The following INSYN1 variants were observed in gnomAD, a reference collection of about 807,000 sequenced individuals.
INSYN1 encodes the protein UPF0583 protein C15orf59.
In INSYN1, 7 loss-of-function variants were observed where a neutral mutation model predicts 17.1. The observed-to-expected ratio is 0.41, with a 90% CI of 0.23 to 0.77. The LOEUF is 0.77. INSYN1 is among the 30% of genes least tolerant of loss of function. The probability of loss-of-function intolerance (pLI) is 0.32; values close to 1 mark genes in which losing one functional copy is unlikely to be tolerated. For synonymous variants in INSYN1, 174 were observed against 166.3 expected, an observed-to-expected ratio of 1.05 and a Z score of -0.36; for missense variants, 339 against 400.6, an observed-to-expected ratio of 0.85 and a Z score of 1.31.
intron 2 of INSYN1, among the ~76,000 whole-genome samples, chr15:73,747,239 G>C (rs1901859808): frequency 6.6e-6 from 1 of 152,096 alleles, no homozygotes; most frequent in African/African-American, 2.4e-5. Flanking sequence ...CTGTTCAAAG[G>C]CCACCTTATT....
rs1204276493 is a variant in INSYN1 at position 73,753,208 on chromosome 15, G to A, written c.-1666C>T. 6.9e-6 allele frequency among the ~76,000 whole-genome samples: 1 copy of A among 144,910 alleles called. No homozygotes were observed. The highest frequency in any genetic ancestry group is 1.5e-5 in the Non-Finnish European group (1 of 65,302). ...CCTGGGCCCGCTCCCCAAGCGCCGC[G>A]GCGCCGCGCCGCCCGCGCCCCGGCC... is the stretch of plus-strand genomic sequence containing the variant. On this transcript the variant is annotated 5_prime_UTR_variant, in exon 1 of 3. Transcript: ENST00000569673. The surrounding 1 kb of genome is among the most constrained non-coding windows in gnomAD (Gnocchi z 4.2).
intron 2 of INSYN1, among the ~76,000 whole-genome samples, chr15:73,748,445 G>A (rs528216634): frequency 3.9e-4 from 59 of 152,192 alleles, no homozygotes; most frequent in Non-Finnish European, 7.3e-4. Context: ...TGCTTGGCCT[G>A]AGACAAGAAC....
At chr15:73,747,378 C>A (rs1901863489) in intron 2 of INSYN1, among the ~76,000 whole-genome samples, 1 of 152,158 alleles carries the variant, frequency 6.6e-6, no homozygotes. Context: ...GTCCTGACCT[C>A]CCTGGTCATG....
chr15:73,748,530 C>G (rs1014936515), intron 2 of INSYN1, among the ~76,000 whole-genome samples: 4 of 152,150 alleles, frequency 2.6e-5, no homozygotes, highest in Non-Finnish European at 4.4e-5. Flanking sequence ...GCCTCTCAAC[C>G]TTGAGCCTAC....
chr15:73,753,274 C>T lies in INSYN1; in HGVS notation c.-1732G>A, dbSNP rs1902046022. ...CGCCGCCCCCCGCCGGACTGGCCGC[C>T]CGGGCGGGCGCTGGCTCCCTTAAAG... On this transcript the variant is annotated 5_prime_UTR_variant, in exon 1 of 3. Transcript: ENST00000569673. The surrounding 1 kb of genome is among the most constrained non-coding windows in gnomAD (Gnocchi z 4.2). Among the ~76,000 whole-genome samples, 1 of 148,468 alleles carries T rather than the reference C, an allele frequency of 6.7e-6. No homozygotes were observed. Among genetic ancestry groups the T allele is most frequent in the Admixed American group, 6.7e-5 (1 of 14,940 alleles).
intron 2 of INSYN1, 37 bp from the exon 3 acceptor site, chr15:73,740,679 G>T: frequency 6.5e-7 from 1 of 1,541,298 alleles, no homozygotes; most frequent in South Asian, 1.2e-5. Context: ...AGAGGGGCCA[G>T]GTGGGTCCCT....
At chr15:73,748,955 G>A (rs919774202) in intron 2 of INSYN1, among the ~76,000 whole-genome samples, 5 of 152,216 alleles carry the variant, frequency 3.3e-5, no homozygotes, top group African/African-American at 9.6e-5. Context: ...AAAGTCTTGG[G>A]TGGAGGCACA....
At chr15:73,747,816 T>C (rs1391970022) in intron 2 of INSYN1, among the ~76,000 whole-genome samples, 1 of 152,134 alleles carries the variant, frequency 6.6e-6, no homozygotes, top group Non-Finnish European at 1.5e-5. Context: ...CCTGGAGTAC[T>C]GGGGAGCCTG....
In INSYN1 at chr15:73,751,341, A is replaced by G. The variant is rs1901979222; in HGVS notation, c.-211T>C. 2 of 586,728 alleles carry G rather than the reference A, an allele frequency of 3.4e-6. No individual in the cohort carries two copies. Among genetic ancestry groups the G allele is most frequent in the Non-Finnish European group, 6.0e-6 (2 of 330,724 alleles). 36.3% of individuals were successfully genotyped at this position (586,728 alleles called of 1,614,324 possible). The stretch of plus-strand genomic sequence containing the variant: ...TGGAGAGTGGGACACCCAGAGGGAG[A>G]CAGAGTCTAGCAGAGGGGGTCAAGG... On this transcript the variant is annotated 5_prime_UTR_variant, in exon 2 of 3. Coordinates refer to ENST00000569673, the MANE Select transcript of INSYN1 (RefSeq NM_001039614.3).
rs182997124 is a variant in INSYN1 at position 73,735,862 on chromosome 15, G to A, written c.*4055C>T. 6.6e-6 allele frequency: 1 copy of A among 152,336 alleles called. No homozygotes were observed. The highest frequency in any genetic ancestry group is 1.9e-4 in the East Asian group (1 of 5,188). 9.4% of individuals were successfully genotyped at this position (152,336 alleles called of 1,614,324 possible). On this transcript the variant is annotated 3_prime_UTR_variant, in exon 3 of 3. Transcript: ENST00000569673. Reference sequence around the variant, plus strand: ...TTGCTTATCTCATACGTGCTGTGAGGAGTAAATGAGATAAGACATACACTT... The same window carrying A: ...TTGCTTATCTCATACGTGCTGTGAGAAGTAAATGAGATAAGACATACACTT...
At chr15:73,741,741 C>T (rs549853528) in intron 2 of INSYN1, among the ~76,000 whole-genome samples, 31 of 152,364 alleles carry the variant, frequency 2.0e-4, no homozygotes, top group Non-Finnish European at 3.5e-4. Flanking sequence ...CAGAATCCAG[C>T]CCCCAGCACC....
Position 73,740,092 on chromosome 15 carries a change from G to A in INSYN1, c.707C>T (p.Ala236Val), listed in dbSNP as rs775517885. ...AHAGPHKPSPAPYKSRRSPLT... is the reference protein window; with the variant it reads ...AHAGPHKPSPVPYKSRRSPLT... ...TGGAGAGCGCCGTGACTTGTAGGGG[G>A]CTGGGGAGGGCTTGTGGGGGCCTGC... The change falls in exon 3 of 3, where the codon GCC becomes GTC. Residue 236 changes from alanine (A) to valine (V), a missense_variant. Ala to Val is a moderately conservative substitution (Grantham distance 64). Transcript: ENST00000569673. 1.9e-6 allele frequency: 3 copies of A among 1,613,700 alleles called. No homozygotes were observed. In the East Asian group the frequency reaches 6.7e-5, roughly 36 times the overall value.
chr15:73,741,420 G>C (rs917235270), intron 2 of INSYN1, among the ~76,000 whole-genome samples: 5 of 152,208 alleles, frequency 3.3e-5, no homozygotes, highest in African/African-American at 7.2e-5. Flanking sequence ...ATGCACTCAG[G>C]GGGCAGCTCA....
rs1407580588 is a variant in INSYN1 at position 73,740,172 on chromosome 15, C to T, written c.627G>A (p.Glu209=). ...GCAAGCCCACTTCTTCCTCCTCCAC[C>T]TCCTGCTCACCGTCCCCCTCCTCAT... The part of the protein sequence containing the change: ...CDDEEGDGEQ[E]VEEEEVGLPP... Residue 209 remains glutamate, a synonymous_variant, in exon 3 of 3, where the codon GAG becomes GAA. Transcript: ENST00000569673. 5 of 1,614,138 alleles carry T rather than the reference C, an allele frequency of 3.1e-6. 1 individual carries two copies. The South Asian group carries it at 5.5e-5, about 18-fold the overall frequency.
At position 73,751,270 on chromosome 15, in the gene INSYN1, T is replaced by A; in HGVS notation, c.-140A>T. ...AGCCCACCCTGGCCCTGGGCGGCCC[T>A]CAACCAGCCCCTGCCCCCTGCCACC... is the stretch of plus-strand genomic sequence containing the variant. On this transcript the variant is annotated 5_prime_UTR_variant, in exon 2 of 3. Transcript: ENST00000569673. 1 of 996,596 alleles carries A rather than the reference T, an allele frequency of 1.0e-6. No individual in the cohort carries two copies. The highest frequency in any genetic ancestry group is 1.5e-6 in the Non-Finnish European group (1 of 681,054). The allele number at this position is 996,596 out of a possible 1,614,324, so 61.7% of individuals were successfully genotyped here. A position where few individuals can be genotyped will look rare whatever the true frequency, so the allele number is the denominator to read the frequency against.
intron 2 of INSYN1, among the ~76,000 whole-genome samples, chr15:73,742,046 G>C (rs1380275428): frequency 6.6e-6 from 1 of 152,234 alleles, no homozygotes; most frequent in Non-Finnish European, 1.5e-5. Context: ...TGTAAGCGAA[G>C]AGGGTGGGTG....
At chr15:73,750,779 T>C (rs1901955476) in intron 2 of INSYN1, among the ~76,000 whole-genome samples, 196 bp downstream of exon 2, 1 of 152,130 alleles carries the variant, frequency 6.6e-6, no homozygotes. Context: ...CCGAGGCCCC[T>C]CCAGCCTTGG....
intron 2 of INSYN1, among the ~76,000 whole-genome samples, chr15:73,749,355 T>C (rs1049962504): frequency 1.3e-5 from 2 of 152,084 alleles, no homozygotes; most frequent in Admixed American, 1.3e-4. Context: ...CTGGTCTGGA[T>C]TACCTATGAG....
rs914924324 is a variant in INSYN1, at chr15:73,751,347, T to G, written c.-217A>C. The stretch of plus-strand genomic sequence containing the variant: ...GTGGGACACCCAGAGGGAGACAGAG[T>G]CTAGCAGAGGGGGTCAAGGTGAGGA... On this transcript the variant is annotated 5_prime_UTR_variant, in exon 2 of 3. Transcript: ENST00000569673. The G allele has an allele frequency of 1.0e-5, 6 of 577,082 alleles. No homozygotes were observed. Among genetic ancestry groups the G allele is most frequent in the African/African-American group, 5.7e-5 (3 of 52,886 alleles). 35.7% of individuals were successfully genotyped at this position (577,082 alleles called of 1,614,324 possible).
Sources: allele counts gnomAD v4.1 joint callset (sites outside exome capture counted in the v4.1 genomes callset), GRCh38; gene constraint gnomAD v4.1.1; non-coding constraint Gnocchi (gnomAD v3.1); transcripts MANE v1.5; gene names NCBI Gene and HGNC (gene_info 2026-07-23, HGNC 2026-07-21).